The following RIMS2 variants were observed in gnomAD, a reference collection of about 807,000 sequenced individuals.
RIMS2 encodes the protein regulating synaptic membrane exocytosis 2.
A neutral mutation model predicts 174.4 loss-of-function variants in RIMS2; 59 were observed. That is an observed-to-expected ratio of 0.34 (90% CI 0.27 to 0.42). The LOEUF (loss-of-function observed/expected upper bound fraction) is 0.42, where lower values mean the gene tolerates loss of function less well. Ranked by LOEUF, RIMS2 falls within the 10% of genes least tolerant of loss-of-function variation. The pLI is 1.00. For missense variants in RIMS2, 1,620 were observed against 1,666.3 expected, an observed-to-expected ratio of 0.97 and a Z score of 0.48; for synonymous variants, 606 against 572.5, an observed-to-expected ratio of 1.06 and a Z score of -0.84.
intron 19 of RIMS2, among the ~76,000 whole-genome samples, chr8:104,173,148 T>C (rs980386767): frequency 5.3e-5 from 8 of 152,224 alleles, no homozygotes; most frequent in African/African-American, 1.9e-4. Context: ...TTTTTGGTCT[T>C]TTATTTTTTG....
intron 19 of RIMS2, among the ~76,000 whole-genome samples, chr8:104,242,447 C>T (rs2099305863): frequency 2.0e-5 from 3 of 152,102 alleles, no homozygotes; most frequent in Admixed American, 2.0e-4. Flanking sequence ...TACTGTTTTG[C>T]ATATAGGGTT....
intron 19 of RIMS2, among the ~76,000 whole-genome samples, chr8:104,236,324 T>C (rs185721980): frequency 2.0e-5 from 3 of 152,158 alleles, no homozygotes; most frequent in Non-Finnish European, 2.9e-5. Flanking sequence ...TCTGGAGTAA[T>C]ACTTTGGTAC....
chr8:103,737,271 C>T (rs1029643258), intron 2 of RIMS2, among the ~76,000 whole-genome samples: 8 of 146,132 alleles, frequency 5.5e-5, no homozygotes, highest in African/African-American at 2.0e-4. Flanking sequence ...GCATCCTCCG[C>T]CTCCCAGGTT....
intron 3 of RIMS2, among the ~76,000 whole-genome samples, chr8:103,775,511 A>G (rs1034725341): frequency 1.3e-5 from 2 of 152,276 alleles, no homozygotes; most frequent in Non-Finnish European, 2.9e-5. Flanking sequence ...AAAGATGGCT[A>G]TGTCTTTGGT....
chr8:103,681,705 A>G (rs1490634213), intron 1 of RIMS2, among the ~76,000 whole-genome samples: 1 of 152,134 alleles, frequency 6.6e-6, no homozygotes, highest in Non-Finnish European at 1.5e-5. Flanking sequence ...AGTATATCCA[A>G]GGTTTTATAG....
At chr8:103,502,016 T>G (rs928542700) in intron 1 of RIMS2, among the ~76,000 whole-genome samples, 1 of 152,350 alleles carries the variant, frequency 6.6e-6, no homozygotes, top group African/African-American at 2.4e-5. Flanking sequence ...GTTTTATGGT[T>G]ATTTGATTTC....
At position 103,656,991 on chromosome 8, in the gene RIMS2, C is replaced by A. The variant is rs1314577705; in HGVS notation, c.177-40095C>A. Among the ~76,000 whole-genome samples, 4 of 152,146 alleles carry A rather than the reference C, an allele frequency of 2.6e-5. No individual in the cohort carries two copies. The East Asian group carries it at 7.7e-4, about 29-fold the overall frequency. On this transcript the variant is annotated intron_variant, in intron 1 of 23. Transcript: ENST00000504942. ...GCTGGGGGAGGGGAAAGTAACCATTCTGAAATAGCCCAGGGAAGGAGTAAC... is the reference window on the plus strand; with the variant it reads ...GCTGGGGGAGGGGAAAGTAACCATTATGAAATAGCCCAGGGAAGGAGTAAC...
intron 19 of RIMS2, among the ~76,000 whole-genome samples, chr8:104,057,814 C>A (rs1375403646): frequency 6.8e-6 from 1 of 146,270 alleles, no homozygotes; most frequent in Admixed American, 7.0e-5. Context: ...TGAGAACATA[C>A]GGTGTTTGGT....
intron 2 of RIMS2, among the ~76,000 whole-genome samples, chr8:103,739,509 C>T (rs978569524): frequency 1.3e-5 from 2 of 152,022 alleles, no homozygotes; most frequent in African/African-American, 4.8e-5. Flanking sequence ...GCACATGTAC[C>T]CTAGAACTTA....
At chr8:104,027,228 C>T (rs2096275452) in intron 19 of RIMS2, among the ~76,000 whole-genome samples, 1 of 152,142 alleles carries the variant, frequency 6.6e-6, no homozygotes, top group Non-Finnish European at 1.5e-5. Flanking sequence ...AAGGAATGCA[C>T]TTAAGATTTC....
intron 3 of RIMS2, among the ~76,000 whole-genome samples, chr8:103,830,554 A>G (rs2098819385): frequency 6.6e-6 from 1 of 152,256 alleles, no homozygotes; most frequent in South Asian, 2.1e-4. Context: ...AACATTCCAC[A>G]TGTATTTGAA....
chr8:103,500,819 G>A, exon 1 of RIMS2: 4 of 1,056,838 alleles, frequency 3.8e-6, no homozygotes, highest in Non-Finnish European at 4.0e-6. Flanking sequence ...CCCAGCCGCC[G>A]CGCCGGTGCC....
Position 104,179,574 on chromosome 8 carries a change from CATA to C in RIMS2, c.3335-65338_3335-65336del, listed in dbSNP as rs566898436. Among the ~76,000 whole-genome samples, 35 of 152,000 alleles carry C rather than the reference CATA, an allele frequency of 2.3e-4. 1 individual carries two copies. The South Asian group carries it at 3.7e-3, about 16-fold the overall frequency. ...ACAAAACTTTCTTCTCTGAAATTTA[CATA>C]ATATCTATTTTGTGCTTAGTAAACT... On this transcript the variant is annotated intron_variant, in intron 19 of 23. Transcript: ENST00000504942.
rs928426811 is a variant in RIMS2, at chr8:103,975,430, C to G, written c.2851C>G (p.Pro951Ala). 1 of 1,611,690 alleles carries G rather than the reference C, an allele frequency of 6.2e-7. No individual in the cohort carries two copies. Among genetic ancestry groups the G allele is most frequent in the Non-Finnish European group, 8.5e-7 (1 of 1,177,792 alleles). Residue 951 changes from proline (P) to alanine (A), a missense_variant, in exon 16 of 24, where the codon CCA becomes GCA. Physicochemically the swap from Pro to Ala is conservative, Grantham distance 27. This residue lies in a region of RIMS2 where 1,395 missense variants were observed against 1,360.1 expected (regional missense o/e 1.03). Coordinates refer to ENST00000504942, the Ensembl canonical transcript of RIMS2. ...AGTAATGTCATCAAACCACTGTTCA[C>G]CATCAGGGTCTCCTCATCGAGTAGA...
At chr8:103,883,106 C>T (rs1312756500) in intron 3 of RIMS2, among the ~76,000 whole-genome samples, 1 of 151,630 alleles carries the variant, frequency 6.6e-6, no homozygotes, top group Non-Finnish European at 1.5e-5. Flanking sequence ...CTCTTAAGAA[C>T]AAGGAAGGTG....
At chr8:104,147,476 T>A (rs1375318067) in intron 19 of RIMS2, among the ~76,000 whole-genome samples, 1 of 149,622 alleles carries the variant, frequency 6.7e-6, no homozygotes, top group Non-Finnish European at 1.5e-5. Flanking sequence ...TAGAAAACAC[T>A]TTTTTTTTTC....
intron 1 of RIMS2, among the ~76,000 whole-genome samples, chr8:103,581,553 A>G (rs148621844): frequency 7.0e-4 from 106 of 152,334 alleles, no homozygotes; most frequent in Non-Finnish European, 1.2e-3. Flanking sequence ...CGGTTTATTT[A>G]AGATGCGGAA....
chr8:103,937,731 T>C (rs1053581279), intron 13 of RIMS2, among the ~76,000 whole-genome samples: 3 of 152,120 alleles, frequency 2.0e-5, no homozygotes, highest in Admixed American at 2.0e-4. Context: ...TCTTGGTCAA[T>C]TGCATTGAAA....
intron 19 of RIMS2, among the ~76,000 whole-genome samples, chr8:104,225,909 C>A (rs2099185128): frequency 6.6e-6 from 1 of 152,104 alleles, no homozygotes; most frequent in Non-Finnish European, 1.5e-5. Context: ...TAACTTTTTT[C>A]TTTGATTTTG....
Sources: allele counts gnomAD v4.1 joint callset (sites outside exome capture counted in the v4.1 genomes callset), GRCh38; gene constraint gnomAD v4.1.1; regional missense constraint gnomAD v4.1.1; transcripts MANE v1.5; gene names NCBI Gene and HGNC (gene_info 2026-07-23, HGNC 2026-07-21).